PLXNA4: variants seen among roughly 807,000 people sequenced by gnomAD.
The protein encoded by PLXNA4 is plexin A4.
In PLXNA4, 44 loss-of-function variants were observed where a neutral mutation model predicts 191.8. The observed-to-expected ratio is 0.23, with a 90% CI of 0.18 to 0.29. The LOEUF (loss-of-function observed/expected upper bound fraction) is 0.29, where lower values mean the gene tolerates loss of function less well. Among genes scored for constraint, PLXNA4 ranks in the 10% least tolerant of loss-of-function variants. The pLI, the probability that PLXNA4 is intolerant of heterozygous loss-of-function variation, is 1.00. For missense variants in PLXNA4, 1,800 were observed against 2,488.8 expected (o/e 0.72, Z 5.89); for synonymous variants, 1,082 against 1,009.5 (o/e 1.07, Z -1.36).
At chr7:132,585,972 C>G (rs1270743612) in intron 2 of PLXNA4, among the ~76,000 whole-genome samples, 2 of 152,306 alleles carry the variant, frequency 1.3e-5, no homozygotes, top group South Asian at 2.1e-4. Flanking sequence ...GTGTTGCTCT[C>G]TAACTCAACA....
chr7:132,563,214 C>G (rs916433187), intron 1 of PLXNA4, among the ~76,000 whole-genome samples: 1 of 109,754 alleles, frequency 9.1e-6, no homozygotes, highest in Non-Finnish European at 1.9e-5. Flanking sequence ...TCCTCCTCCT[C>G]CTCCTTCTCC....
intron 3 of PLXNA4, among the ~76,000 whole-genome samples, chr7:132,391,855 G>T (rs754313927): frequency 1.3e-5 from 2 of 152,116 alleles, no homozygotes; most frequent in African/African-American, 4.8e-5. Context: ...GGCTGGGCCC[G>T]GTGGCTCACG....
In PLXNA4 at chr7:132,298,163, G is replaced by T; in HGVS notation, c.1431C>A (p.Asp477Glu). Reference sequence around the variant, plus strand: ...CCATATCCCGGAGGACTGGGCCGGGGTCCACCACCTGCACCGTCTCATACT... The same window carrying T: ...CCATATCCCGGAGGACTGGGCCGGGTTCCACCACCTGCACCGTCTCATACT... Reference protein sequence around the residue: ...ALQYETVQVVDPGPVLRDMAF... With the variant: ...ALQYETVQVVEPGPVLRDMAF... The change falls in exon 4 of 32, where the codon GAC becomes GAA. Residue 477 changes from aspartate to glutamate, a missense_variant. Transcript: ENST00000321063. 6.2e-7 allele frequency: 1 copy of T among 1,614,178 alleles called. No homozygotes were observed. Among genetic ancestry groups the T allele is most frequent in the African/African-American group, 1.3e-5 (1 of 75,060 alleles).
intron 3 of PLXNA4, among the ~76,000 whole-genome samples, chr7:132,467,943 T>C (rs1016737826): frequency 3.9e-5 from 6 of 152,170 alleles, no homozygotes; most frequent in Non-Finnish European, 8.8e-5. Flanking sequence ...CTGTCCCCTC[T>C]AATGCCATCA....
At chr7:132,218,892 C>T (rs1158863636) in intron 9 of PLXNA4, among the ~76,000 whole-genome samples, 1 of 151,976 alleles carries the variant, frequency 6.6e-6, no homozygotes, top group Non-Finnish European at 1.5e-5. Context: ...GAATACTTGC[C>T]ATTAATATAA....
At chr7:132,625,750 A>G (rs1160330943) in intron 2 of PLXNA4, among the ~76,000 whole-genome samples, 1 of 152,246 alleles carries the variant, frequency 6.6e-6, no homozygotes, top group Non-Finnish European at 1.5e-5. Context: ...GAAGTCAGAC[A>G]CAAAGAAGTA....
intron 2 of PLXNA4, among the ~76,000 whole-genome samples, chr7:132,617,939 A>G (rs1324599668): frequency 2.6e-5 from 4 of 152,132 alleles, no homozygotes. Flanking sequence ...CACCTTTACC[A>G]TTGAGCTTCC....
intron 2 of PLXNA4, among the ~76,000 whole-genome samples, chr7:132,490,136 G>A (rs144581212): frequency 6.6e-6 from 1 of 152,170 alleles, no homozygotes; most frequent in Non-Finnish European, 1.5e-5. Flanking sequence ...TATGAGCTCC[G>A]ACCTCAGGCT....
At chr7:132,132,098 C>T (rs1794944793) in intron 31 of PLXNA4, among the ~76,000 whole-genome samples, 1 of 152,254 alleles carries the variant, frequency 6.6e-6, no homozygotes, top group Admixed American at 6.5e-5. Flanking sequence ...GATGGCCAGA[C>T]CCATGGCAAG....
intron 3 of PLXNA4, among the ~76,000 whole-genome samples, chr7:132,393,839 C>G (rs1793626895): frequency 6.6e-6 from 1 of 152,192 alleles, no homozygotes; most frequent in African/African-American, 2.4e-5. Context: ...AAGCCATCTT[C>G]AGACCATGGC....
At chr7:132,472,871 C>T (rs1796982044) in intron 3 of PLXNA4, among the ~76,000 whole-genome samples, 1 of 152,196 alleles carries the variant, frequency 6.6e-6, no homozygotes, top group African/African-American at 2.4e-5. Flanking sequence ...CTAGCCTGCT[C>T]TCCTCAGAGT....
chr7:132,388,382 C>A (rs1805249910), intron 3 of PLXNA4, among the ~76,000 whole-genome samples: 1 of 152,140 alleles, frequency 6.6e-6, no homozygotes, highest in Non-Finnish European at 1.5e-5. Context: ...AGTCACCCAG[C>A]CACATTGTGT....
At chr7:132,188,997 AGAGAGAGAGAGAGAGAGAG>A (rs1796985487) in intron 14 of PLXNA4, among the ~76,000 whole-genome samples, 2 of 45,774 alleles carry the variant, frequency 4.4e-5, no homozygotes, top group Admixed American at 2.3e-4. Context: ...AGGAAAGGAG[AGAGAGAGAGAGAGAGAGAG>A]AGAGAGAGAG....
At chr7:132,576,619 C>A (rs942963612), upstream of PLXNA4, 74 of 985,476 alleles carry the variant, frequency 7.5e-5, no homozygotes, top group Non-Finnish European at 8.7e-5. The surrounding 1 kb of genome is among the most constrained non-coding windows in gnomAD (Gnocchi z 5.8). Flanking sequence ...GCGGAGGGCG[C>A]CGAATCAGAG....
intron 3 of PLXNA4, among the ~76,000 whole-genome samples, chr7:132,309,734 G>A (rs1006209336): frequency 6.6e-6 from 1 of 152,172 alleles, no homozygotes; most frequent in African/African-American, 2.4e-5. Context: ...TCTAGCTGGA[G>A]GCCCAAAGAA....
rs772737973 is a variant in PLXNA4, at chr7:132,185,439, G to A, written c.3018C>T (p.Cys1006=). The A allele has an allele frequency of 6.2e-7, 1 of 1,613,696 alleles. No individual in the cohort carries two copies. The highest frequency in any genetic ancestry group is 8.5e-7 in the Non-Finnish European group (1 of 1,179,856). The change falls in exon 16 of 32, where the codon TGC becomes TGT. Residue 1006 remains cysteine (C), a synonymous_variant. Transcript: ENST00000321063. ...GCACCTCATCTGAGGATGTGGTGTT[G>A]CAGACAATGTAGGATGGAGATCGCC... The part of the protein sequence containing the change: ...FHRRSPSYIV[C]NTTSSDEVLE...
chr7:132,394,453 T>C (rs1793664684), intron 3 of PLXNA4, among the ~76,000 whole-genome samples: 1 of 152,232 alleles, frequency 6.6e-6, no homozygotes, highest in Non-Finnish European at 1.5e-5. Flanking sequence ...TATATGACTT[T>C]GGGCAAGTCA....
At chr7:132,289,359 C>T (rs535693812) in intron 4 of PLXNA4, among the ~76,000 whole-genome samples, 1 of 152,294 alleles carries the variant, frequency 6.6e-6, no homozygotes, top group South Asian at 2.1e-4. Flanking sequence ...TTATCACCTG[C>T]TAACCTAGTC....
At chr7:132,472,195 G>T (rs1796958175) in intron 3 of PLXNA4, among the ~76,000 whole-genome samples, 1 of 152,172 alleles carries the variant, frequency 6.6e-6, no homozygotes, top group South Asian at 2.1e-4. Flanking sequence ...AAAAAATTTT[G>T]CCCTGATACT....
Sources: gnomAD v4.1 joint callset for allele counts (sites outside exome capture counted in the v4.1 genomes callset) on GRCh38, gnomAD v4.1.1 for gene constraint, Gnocchi (gnomAD v3.1) non-coding constraint, MANE v1.5 for transcripts, NCBI Gene and HGNC (gene_info 2026-07-23, HGNC 2026-07-21) for gene names.